Variants in BPTF observed in about 807,000 individuals in gnomAD.
The protein encoded by BPTF is bromodomain PHD finger transcription factor.
A neutral mutation model predicts 292.5 loss-of-function variants in BPTF; 18 were observed. That is an observed-to-expected ratio of 0.06 (90% CI 0.04 to 0.09). BPTF has a LOEUF of 0.09. BPTF is among the 10% of genes least tolerant of loss of function. BPTF has a pLI of 1.00. For missense variants in BPTF, 2,726 were observed against 3,498.7 expected (o/e 0.78, Z 5.57); for synonymous variants, 1,225 against 1,251.9 (o/e 0.98, Z 0.45).
chr17:67,958,440 A>G (rs1266446496), intron 23 of BPTF, among the ~76,000 whole-genome samples: 1 of 151,888 alleles, frequency 6.6e-6, no homozygotes, highest in Non-Finnish European at 1.5e-5. Context: ...AAAATATATG[A>G]AAAGGGGCCA....
At chr17:67,827,685 G>C (rs2056220422) in intron 1 of BPTF, among the ~76,000 whole-genome samples, 1 of 152,102 alleles carries the variant, frequency 6.6e-6, no homozygotes, top group African/African-American at 2.4e-5. Context: ...TGAAAAGTTT[G>C]ATTTTAATAA....
At chr17:67,927,854 A>G (rs1225041752) in intron 15 of BPTF, among the ~76,000 whole-genome samples, 1 of 152,078 alleles carries the variant, frequency 6.6e-6, no homozygotes, top group Non-Finnish European at 1.5e-5. Context: ...TTAAAAATAT[A>G]TATATGGCCT....
rs528017842 is a variant in BPTF at position 67,826,500 on chromosome 17, T to G, written c.613+163T>G. Among the ~76,000 whole-genome samples, 7 of 147,178 alleles carry G rather than the reference T, an allele frequency of 4.8e-5. No homozygotes were observed. The South Asian group carries it at 1.5e-3, about 32-fold the overall frequency. On this transcript the variant is annotated intron_variant, in intron 1 of 27. Coordinates refer to ENST00000306378, the MANE Select transcript of BPTF (RefSeq NM_182641.4). ...GCACATCAAGTGGCAAAAAACTAGATTTACAAGAGGAAAGAGGCGCATTGT... is the reference window on the plus strand; with the variant it reads ...GCACATCAAGTGGCAAAAAACTAGAGTTACAAGAGGAAAGAGGCGCATTGT...
chr17:67,870,766 C>CTTTTTTTTT (rs11418428), intron 3 of BPTF, among the ~76,000 whole-genome samples: 22 of 106,378 alleles, frequency 2.1e-4, no homozygotes, highest in Admixed American at 2.5e-4. Flanking sequence ...TGCTTCATTT[C>CTTTTTTTTT]TTTTTTTTTT....
chr17:67,888,019 C>T (rs1345414203), intron 4 of BPTF, among the ~76,000 whole-genome samples: 6 of 152,128 alleles, frequency 3.9e-5, no homozygotes, highest in Non-Finnish European at 8.8e-5. Context: ...CGATTGATGC[C>T]TCCAGCAAAA....
chr17:67,959,649 G>GCCCCCCCCCCCCCCCCCCCCCCCCC lies in BPTF; in HGVS notation c.8039_8040insCCCCCCCCCCCCCCCCCCCCCCCCC (p.Ala2682ProfsTer64). On this transcript the variant is annotated frameshift_variant, in exon 24 of 28. Coordinates refer to ENST00000306378, the MANE Select transcript of BPTF (RefSeq NM_182641.4). LOFTEE classifies it high-confidence loss of function. ...CCCCCCAGTGACACCAGCTCCTCCA[G>GCCCCCCCCCCCCCCCCCCCCCCCCC]CCCCTCCAGCCCCTCCACCTTCACC... 6.2e-7 allele frequency: 1 copy of GCCCCCCCCCCCCCCCCCCCCCCCCC among 1,600,850 alleles called. No individual in the cohort carries two copies. The highest frequency in any genetic ancestry group is 1.1e-5 in the South Asian group (1 of 89,426).
chr17:67,982,056 T>C (rs527590553), intron 27 of BPTF, 196 bp from the exon 28 acceptor site: 1 of 400,232 alleles, frequency 2.5e-6, no homozygotes, highest in Admixed American at 3.8e-5. Context: ...TGAGCTATTA[T>C]GTTTAGTGTA....
At position 67,924,605 on chromosome 17, in the gene BPTF, A is replaced by G. The variant is rs1237009425; in HGVS notation, c.5751+16A>G. 3 of 1,610,912 alleles carry G rather than the reference A, an allele frequency of 1.9e-6. No homozygotes were observed. Among genetic ancestry groups the G allele is most frequent in the African/African-American group, 1.3e-5 (1 of 74,710 alleles). On this transcript the variant is annotated intron_variant, in intron 15 of 27. Transcript: ENST00000306378. Reference sequence around the variant, plus strand: ...ACAGGCTAAGGTTAGTGAACAGAAGAAGGCAGAGGACATCAAGGCCCAAAT... The same window carrying G: ...ACAGGCTAAGGTTAGTGAACAGAAGGAGGCAGAGGACATCAAGGCCCAAAT...
At chr17:67,921,785 G>T (rs750734356) in intron 13 of BPTF, among the ~76,000 whole-genome samples, 3 of 151,458 alleles carry the variant, frequency 2.0e-5, no homozygotes, top group African/African-American at 7.3e-5. Flanking sequence ...TAATTCCAGC[G>T]CTTTGGGAGG....
intron 20 of BPTF, 100 bp from the exon 21 acceptor site, chr17:67,945,309 G>A (rs1157980360): frequency 6.6e-7 from 1 of 1,521,798 alleles, no homozygotes; most frequent in Non-Finnish European, 8.8e-7. Flanking sequence ...CACCACGCCT[G>A]GCCAGAATTC....
At chr17:67,966,954 G>T (rs2068168117) in intron 26 of BPTF, among the ~76,000 whole-genome samples, 1 of 151,532 alleles carries the variant, frequency 6.6e-6, no homozygotes, top group Admixed American at 6.6e-5. Flanking sequence ...ACAAAAATTA[G>T]CTGGGCATGG....
At chr17:67,890,686 C>T (rs748720281) in intron 4 of BPTF, among the ~76,000 whole-genome samples, 47 of 152,026 alleles carry the variant, frequency 3.1e-4, no homozygotes, top group Non-Finnish European at 6.0e-4. Flanking sequence ...AGTATCTCCC[C>T]AAAGGAAAGA....
rs542894780 is a variant in BPTF, at chr17:67,935,764, A to C, written c.6259+3745A>C. 3.3e-5 allele frequency among the ~76,000 whole-genome samples: 5 copies of C among 152,254 alleles called. No individual in the cohort carries two copies. In the East Asian group the frequency reaches 9.7e-4, roughly 29 times the overall value. ...CCAGCTACTTGAGGTCAAGGCAGGG[A>C]GAATTGCTTGAACCCTAGAGGCAGA... On this transcript the variant is annotated intron_variant, in intron 18 of 27. Coordinates refer to ENST00000306378, the MANE Select transcript of BPTF (RefSeq NM_182641.4).
chr17:67,971,497 AAG>A (rs1431839005), intron 26 of BPTF, among the ~76,000 whole-genome samples: 10 of 152,130 alleles, frequency 6.6e-5, no homozygotes, highest in Admixed American at 1.3e-4. Context: ...AAAAAAAAAA[AAG>A]AGTTATTTTT....
At chr17:67,939,642 C>T (rs2065203479) in intron 18 of BPTF, among the ~76,000 whole-genome samples, 1 of 152,190 alleles carries the variant, frequency 6.6e-6, no homozygotes, top group Admixed American at 6.5e-5. Flanking sequence ...CTTTGGGAGG[C>T]CAAGGCGGGT....
chr17:67,892,116 A>AT (rs1394921846), intron 5 of BPTF, 82 bp downstream of exon 5: 56 of 916,916 alleles, frequency 6.1e-5, no homozygotes, highest in Non-Finnish European at 8.7e-5. Context: ...GGGGCTGGAA[A>AT]TTTGTAGAAA....
At chr17:67,890,864 C>T (rs554542783) in intron 4 of BPTF, among the ~76,000 whole-genome samples, 1 of 152,126 alleles carries the variant, frequency 6.6e-6, no homozygotes, top group East Asian at 1.9e-4. Context: ...TTGCCAGTGC[C>T]ACAGTGTCTT....
Position 67,982,237 on chromosome 17 carries a change from T to C in BPTF, c.8727-15T>C. 1.9e-6 allele frequency: 3 copies of C among 1,608,432 alleles called. No homozygotes were observed. The South Asian group carries it at 3.3e-5, about 18-fold the overall frequency. On this transcript the variant is annotated splice_polypyrimidine_tract_variant and intron_variant, in intron 27 of 27. Transcript: ENST00000306378. Reference sequence around the variant, plus strand: ...GAAGGGTGCTTAATTGTTCCCTTTTTTCTATATTCTGTAGGTCTCATAACA... The same window carrying C: ...GAAGGGTGCTTAATTGTTCCCTTTTCTCTATATTCTGTAGGTCTCATAACA...
intron 1 of BPTF, among the ~76,000 whole-genome samples, chr17:67,845,217 A>G (rs988533540): frequency 6.6e-6 from 1 of 152,210 alleles, no homozygotes; most frequent in African/African-American, 2.4e-5. Context: ...CTGTAAAGGT[A>G]TCTTTCACCT....
Sources: allele counts gnomAD v4.1 joint callset (sites outside exome capture counted in the v4.1 genomes callset), GRCh38; gene constraint gnomAD v4.1.1; transcripts MANE v1.5; gene names NCBI Gene and HGNC (gene_info 2026-07-23, HGNC 2026-07-21).